Variants in NRCAM observed in about 807,000 individuals in gnomAD.
NRCAM encodes the protein NgCAM-related cell adhesion molecule.
Under a neutral mutation model 156.5 loss-of-function variants are expected in NRCAM, and 83 were observed. The ratio of observed to expected loss-of-function variants is 0.53; its 90% confidence interval spans 0.44 to 0.64. The LOEUF (loss-of-function observed/expected upper bound fraction) is 0.64. Among genes scored for constraint, NRCAM ranks in the 30% least tolerant of loss-of-function variants. NRCAM has a pLI of 0.00. For synonymous variants in NRCAM, 538 were observed against 563.9 expected (o/e 0.95, Z 0.65); for missense variants, 1,417 against 1,597.3 (o/e 0.89, Z 1.92).
chr7:108,382,662 G>A (rs953304919), intron 2 of NRCAM, among the ~76,000 whole-genome samples: 1 of 152,114 alleles, frequency 6.6e-6, no homozygotes, highest in Non-Finnish European at 1.5e-5. Context: ...AGGGCAATCT[G>A]TAGAGGTACC....
intron 11 of NRCAM, 75 bp from the exon 12 acceptor site, chr7:108,209,680 G>T: frequency 2.0e-6 from 2 of 1,024,222 alleles, no homozygotes; most frequent in Non-Finnish European, 2.9e-6. Flanking sequence ...GAATTTTCAT[G>T]CAACTTTGTA....
At chr7:108,412,387 T>C (rs1796500319) in intron 1 of NRCAM, among the ~76,000 whole-genome samples, 1 of 95,868 alleles carries the variant, frequency 1.0e-5, no homozygotes, top group Non-Finnish European at 2.2e-5. Context: ...CTTCCTCTTT[T>C]CCCCCTCATA....
intron 3 of NRCAM, among the ~76,000 whole-genome samples, chr7:108,250,582 T>TG (rs1198349879): frequency 6.6e-6 from 1 of 151,250 alleles, no homozygotes; most frequent in African/African-American, 2.4e-5. Context: ...AGCAGAAGAA[T>TG]GGTCACCCGA....
At position 108,256,809 on chromosome 7, in the gene NRCAM, A is replaced by C. The variant is rs530236066; in HGVS notation, c.-106-16639T>G. 4.0e-4 allele frequency among the ~76,000 whole-genome samples: 61 copies of C among 152,212 alleles called. 1 individual carries two copies. The highest frequency in any genetic ancestry group is 1.4e-3 in the African/African-American group (57 of 41,528). ...GGCGGGCGGATTACTTGAGATCAGGAGTTTGAGACCAGCCTGGCCAACACG... is the reference window on the plus strand; with the variant it reads ...GGCGGGCGGATTACTTGAGATCAGGCGTTTGAGACCAGCCTGGCCAACACG... On this transcript the variant is annotated intron_variant, in intron 3 of 32. Transcript: ENST00000379028.
intron 1 of NRCAM, among the ~76,000 whole-genome samples, chr7:108,406,127 A>G (rs1399452539): frequency 2.0e-5 from 3 of 152,096 alleles, no homozygotes; most frequent in African/African-American, 7.2e-5. Flanking sequence ...TACTGTGAAC[A>G]ACAAATAAAG....
intron 1 of NRCAM, among the ~76,000 whole-genome samples, chr7:108,404,362 C>A (rs535677240): frequency 5.3e-5 from 8 of 152,246 alleles, no homozygotes; most frequent in Middle Eastern, 3.4e-3. Flanking sequence ...AGCTCCTGCT[C>A]AAGAACAGAG....
intron 3 of NRCAM, among the ~76,000 whole-genome samples, chr7:108,287,761 T>C (rs1233212686): frequency 6.6e-6 from 1 of 151,868 alleles, no homozygotes; most frequent in African/African-American, 2.4e-5. Context: ...GCTTATACAC[T>C]GTTGGTGGGA....
intron 22 of NRCAM, among the ~76,000 whole-genome samples, chr7:108,183,570 T>G (rs2064830393): frequency 6.6e-6 from 1 of 151,384 alleles, no homozygotes; most frequent in Non-Finnish European, 1.5e-5. Context: ...GGAATCTTGC[T>G]CTGTCACCCA....
chr7:108,396,570 T>C (rs2099777485), intron 2 of NRCAM, among the ~76,000 whole-genome samples: 1 of 152,206 alleles, frequency 6.6e-6, no homozygotes, highest in Admixed American at 6.5e-5. Flanking sequence ...TCAAAATAGC[T>C]AGAAGAAAGA....
chr7:108,364,133 C>T (rs1339901394), intron 2 of NRCAM, among the ~76,000 whole-genome samples: 6 of 152,116 alleles, frequency 3.9e-5, no homozygotes, highest in Admixed American at 3.9e-4. Flanking sequence ...TCTGTACTAT[C>T]TTTGTAATTT....
At chr7:108,211,440 G>T (rs1243686213) in intron 11 of NRCAM, among the ~76,000 whole-genome samples, 1 of 152,188 alleles carries the variant, frequency 6.6e-6, no homozygotes, top group African/African-American at 2.4e-5. Flanking sequence ...GGCTGGGGAA[G>T]AACTAAGCCC....
At chr7:108,215,606 T>C (rs953930763) in intron 11 of NRCAM, among the ~76,000 whole-genome samples, 8 of 152,164 alleles carry the variant, frequency 5.3e-5, no homozygotes, top group African/African-American at 1.9e-4. Flanking sequence ...ATTGGCTCCA[T>C]ATATTTTTGG....
intron 2 of NRCAM, among the ~76,000 whole-genome samples, chr7:108,362,610 G>C (rs760175970): frequency 1.3e-5 from 2 of 152,152 alleles, no homozygotes; most frequent in Non-Finnish European, 2.9e-5. Flanking sequence ...GGACAGTTAA[G>C]TACATGGTTG....
At chr7:108,432,739 T>TA (rs1563784473) in intron 1 of NRCAM, among the ~76,000 whole-genome samples, 1 of 151,994 alleles carries the variant, frequency 6.6e-6, no homozygotes, top group Non-Finnish European at 1.5e-5. Context: ...CCATCTCTAT[T>TA]AAAAATATAA....
rs77362513 is a variant in NRCAM, at chr7:108,352,345, C to T, written c.-173-39614G>A. On this transcript the variant is annotated intron_variant, in intron 2 of 32. Coordinates refer to ENST00000379028, the MANE Select transcript of NRCAM (RefSeq NM_001037132.4). ...CTTAATCTCCAGTGAGTGGCATACA[C>T]ATAATTTTTATGCATAATCTAATCA... 2.2e-3 allele frequency among the ~76,000 whole-genome samples: 334 copies of T among 152,296 alleles called. 1 individual carries two copies. The highest frequency in any genetic ancestry group is 7.2e-3 in the African/African-American group (301 of 41,560).
At chr7:108,306,146 A>T (rs990014205) in intron 3 of NRCAM, among the ~76,000 whole-genome samples, 10 of 152,192 alleles carry the variant, frequency 6.6e-5, no homozygotes, top group Admixed American at 5.9e-4. Flanking sequence ...CTTGTCACTA[A>T]TATGTGTTAA....
chr7:108,188,668 C>G (rs989374712), intron 20 of NRCAM, among the ~76,000 whole-genome samples: 1 of 149,620 alleles, frequency 6.7e-6, no homozygotes. Flanking sequence ...GCCATCTAAC[C>G]AGCTAACTCT....
At chr7:108,414,360 CCTCA>C (rs1421398354) in intron 1 of NRCAM, among the ~76,000 whole-genome samples, 1 of 152,134 alleles carries the variant, frequency 6.6e-6, no homozygotes, top group African/African-American at 2.4e-5. Flanking sequence ...TCCCCCGTTC[CCTCA>C]CTATTTTTGT....
At chr7:108,387,453 T>C (rs1563563784) in intron 2 of NRCAM, among the ~76,000 whole-genome samples, 1 of 152,294 alleles carries the variant, frequency 6.6e-6, no homozygotes, top group African/African-American at 2.4e-5. Context: ...ATAGCTATGA[T>C]GCAATGAACG....
Sources: gnomAD v4.1 joint callset for allele counts (sites outside exome capture counted in the v4.1 genomes callset) on GRCh38, gnomAD v4.1.1 for gene constraint, MANE v1.5 for transcripts, NCBI Gene and HGNC (gene_info 2026-07-23, HGNC 2026-07-21) for gene names.